SLC30A6: variants seen among roughly 807,000 people sequenced by gnomAD.
SLC30A6 encodes the protein solute carrier family 30 member 6.
In SLC30A6, 55 loss-of-function variants were observed where a neutral mutation model predicts 63.0. That is an observed-to-expected ratio of 0.87 (90% CI 0.70 to 1.09). The LOEUF is 1.09. Among genes scored for constraint, SLC30A6 ranks in the 50% least tolerant of loss-of-function variants. The pLI is 0.00. For synonymous variants in SLC30A6, 224 were observed against 186.1 expected, an observed-to-expected ratio of 1.20 and a Z score of -1.66; for missense variants, 587 against 549.2, an observed-to-expected ratio of 1.07 and a Z score of -0.69.
chr2:32,172,169 G>T (rs1395483333), intron 2 of SLC30A6, among the ~76,000 whole-genome samples: 1 of 152,004 alleles, frequency 6.6e-6, no homozygotes, highest in East Asian at 1.9e-4. Flanking sequence ...TCTCTATTTT[G>T]CTCACCTTTT....
At chr2:32,173,404 C>T (rs1472472901) in intron 2 of SLC30A6, among the ~76,000 whole-genome samples, 3 of 149,208 alleles carry the variant, frequency 2.0e-5, no homozygotes, top group East Asian at 2.0e-4. Context: ...GACAGAGTCT[C>T]GCTCTGTCGC....
chr2:32,201,865 G>A, intron 10 of SLC30A6: 1 of 1,443,620 alleles, frequency 6.9e-7, no homozygotes, highest in Non-Finnish European at 9.6e-7. Context: ...AGAAAATGGT[G>A]TTACAGATTA....
chr2:32,210,790 C>T (rs1685197021), intron 13 of SLC30A6, among the ~76,000 whole-genome samples: 1 of 151,996 alleles, frequency 6.6e-6, no homozygotes, highest in African/African-American at 2.4e-5. Flanking sequence ...ATGGTTGCTT[C>T]ACCTCCACCT....
In SLC30A6 at chr2:32,223,935, T is replaced by A. The variant is rs1331898522; in HGVS notation, c.*3222T>A. On this transcript the variant is annotated 3_prime_UTR_variant, in exon 14 of 14. Coordinates refer to ENST00000282587, the MANE Select transcript of SLC30A6 (RefSeq NM_017964.5). ...TAGCAGGTACTGGAGAGGACCTGAA[T>A]TTCAAGCTTCTGATTTAGCTGTTTG... 1 of 152,274 alleles carries A rather than the reference T, an allele frequency of 6.6e-6. No homozygotes were observed. Among genetic ancestry groups the A allele is most frequent in the African/African-American group, 2.4e-5 (1 of 41,462 alleles). The allele number at this position is 152,274 out of a possible 1,614,324, so 9.4% of individuals were successfully genotyped here. A position where few individuals can be genotyped will look rare whatever the true frequency, so the allele number is the denominator to read the frequency against.
At chr2:32,208,838 A>G (rs1001659841) in intron 12 of SLC30A6, among the ~76,000 whole-genome samples, 15 of 152,180 alleles carry the variant, frequency 9.9e-5, no homozygotes, top group African/African-American at 3.4e-4. Flanking sequence ...AGTTGTTACA[A>G]ATTTCCACCT....
chr2:32,175,924 G>C (rs369017540), intron 4 of SLC30A6, among the ~76,000 whole-genome samples: 2 of 152,156 alleles, frequency 1.3e-5, no homozygotes, highest in Non-Finnish European at 2.9e-5. Context: ...AGTGAGCCGA[G>C]ATTGTGCCAC....
At position 32,222,823 on chromosome 2, in the gene SLC30A6, C is replaced by T. The variant is rs1466374695; in HGVS notation, c.*2110C>T. On this transcript the variant is annotated 3_prime_UTR_variant, in exon 14 of 14. Transcript: ENST00000282587. ...TATGAATTAGGGTCATGCATGAAAT[C>T]TGAACTGCCGTGTCCTGAGTTATGG... The T allele has an allele frequency of 6.6e-6, 1 of 152,264 alleles. No individual in the cohort carries two copies. Among genetic ancestry groups the T allele is most frequent in the African/African-American group, 2.4e-5 (1 of 41,452 alleles). The allele number at this position is 152,264 out of a possible 1,614,324, so 9.4% of individuals were successfully genotyped here. A position where few individuals can be genotyped will look rare whatever the true frequency, so the allele number is the denominator to read the frequency against.
intron 3 of SLC30A6, among the ~76,000 whole-genome samples, chr2:32,174,375 C>G (rs1681518280): frequency 6.6e-6 from 1 of 151,614 alleles, no homozygotes; most frequent in Non-Finnish European, 1.5e-5. Context: ...TATTTTAAAA[C>G]AGAAATGGGG....
Position 32,220,927 on chromosome 2 carries a change from C to T in SLC30A6, c.*214C>T. ...ATGTTAAAGGCTTTAAATAGGCTTC[C>T]TTTAGAAAATGTGTTTCTTTAAATT... On this transcript the variant is annotated 3_prime_UTR_variant, in exon 14 of 14. Transcript: ENST00000282587. 2 of 503,508 alleles carry T rather than the reference C, an allele frequency of 4.0e-6. No individual in the cohort carries two copies. The highest frequency in any genetic ancestry group is 6.9e-6 in the Non-Finnish European group (2 of 290,372). The allele number at this position is 503,508 out of a possible 1,614,324, so 31.2% of individuals were successfully genotyped here. A position where few individuals can be genotyped will look rare whatever the true frequency, so the allele number is the denominator to read the frequency against.
At chr2:32,218,262 A>G (rs1249445905) in intron 13 of SLC30A6, among the ~76,000 whole-genome samples, 3 of 152,196 alleles carry the variant, frequency 2.0e-5, no homozygotes, top group Non-Finnish European at 2.9e-5. Flanking sequence ...CTCTACAAAG[A>G]AAACAAAAAA....
intron 3 of SLC30A6, among the ~76,000 whole-genome samples, chr2:32,174,586 A>T (rs911713435): frequency 8.8e-6 from 1 of 113,186 alleles, no homozygotes; most frequent in Non-Finnish European, 1.6e-5. Context: ...ACGGAGTCTC[A>T]CTCTGTTGCC....
At chr2:32,176,079 T>A (rs921518206) in intron 4 of SLC30A6, among the ~76,000 whole-genome samples, 1 of 152,056 alleles carries the variant, frequency 6.6e-6, no homozygotes, top group Non-Finnish European at 1.5e-5. Context: ...AATTCATACC[T>A]CAGAGGGCTA....
intron 10 of SLC30A6, among the ~76,000 whole-genome samples, chr2:32,200,303 G>C (rs902020238): frequency 6.6e-6 from 1 of 151,958 alleles, no homozygotes; most frequent in Non-Finnish European, 1.5e-5. Context: ...ATTCAAAATT[G>C]CTAGTTTGGA....
At chr2:32,211,242 G>C (rs1486524328) in intron 13 of SLC30A6, among the ~76,000 whole-genome samples, 1 of 152,132 alleles carries the variant, frequency 6.6e-6, no homozygotes, top group Non-Finnish European at 1.5e-5. Flanking sequence ...AACCTAGTGG[G>C]GGACCCACCA....
At chr2:32,204,830 T>TTA in intron 11 of SLC30A6, 138 bp downstream of exon 11, 1 of 276,092 alleles carries the variant, frequency 3.6e-6, no homozygotes, top group Non-Finnish European at 6.1e-6. Flanking sequence ...TTTTTTTTTT[T>TTA]AGAGACAGGT....
intron 10 of SLC30A6, chr2:32,203,424 T>A (rs1260252981): frequency 1.4e-6 from 2 of 1,418,836 alleles, no homozygotes; most frequent in African/African-American, 1.4e-5. Context: ...TATGCTGCTG[T>A]TGATTTTTTC....
intron 1 of SLC30A6, 134 bp from the exon 2 acceptor site, chr2:32,171,153 A>C (rs565895310): frequency 1.3e-5 from 8 of 616,354 alleles, no homozygotes; most frequent in Non-Finnish European, 2.2e-5. Context: ...AAGTGTCTAG[A>C]ATAAGTGCTT....
rs896115767 is a variant in SLC30A6, at chr2:32,222,677, G to A, written c.*1964G>A. ...TGACTACTGGGGAAAATGATACTTCGTAAAATGTAATAAGGCAACCTGTTC... is the reference window on the plus strand; with the variant it reads ...TGACTACTGGGGAAAATGATACTTCATAAAATGTAATAAGGCAACCTGTTC... On this transcript the variant is annotated 3_prime_UTR_variant, in exon 14 of 14. Coordinates refer to ENST00000282587, the MANE Select transcript of SLC30A6 (RefSeq NM_017964.5). 3 of 152,260 alleles carry A rather than the reference G, an allele frequency of 2.0e-5. No individual in the cohort carries two copies. Among genetic ancestry groups the A allele is most frequent in the Middle Eastern group, 3.4e-3 (1 of 294 alleles). The allele number at this position is 152,260 out of a possible 1,614,324, so 9.4% of individuals were successfully genotyped here. A position where few individuals can be genotyped will look rare whatever the true frequency, so the allele number is the denominator to read the frequency against.
intron 10 of SLC30A6, chr2:32,202,491 G>A (rs1035392199): frequency 7.4e-5 from 20 of 271,592 alleles, no homozygotes; most frequent in East Asian, 2.1e-4. Flanking sequence ...CACCACCCCC[G>A]ACTATTTTTT....
Sources: gnomAD v4.1 joint callset for allele counts (sites outside exome capture counted in the v4.1 genomes callset) on GRCh38, gnomAD v4.1.1 for gene constraint, MANE v1.5 for transcripts, NCBI Gene and HGNC (gene_info 2026-07-23, HGNC 2026-07-21) for gene names.